Variants in NECTIN3 observed in about 807,000 individuals in gnomAD.
NECTIN3 encodes nectin-3.
A neutral mutation model predicts 49.4 loss-of-function variants in NECTIN3; 8 were observed. The observed-to-expected ratio is 0.16, with a 90% CI of 0.10 to 0.29. The LOEUF is 0.29. Among genes scored for constraint, NECTIN3 ranks in the 10% least tolerant of loss-of-function variants. NECTIN3 has a pLI of 1.00. For synonymous variants in NECTIN3, 277 were observed against 241.1 expected (o/e 1.15, Z -1.38); for missense variants, 581 against 654.6 (o/e 0.89, Z 1.23).
intron 1 of NECTIN3, among the ~76,000 whole-genome samples, chr3:111,086,660 T>C (rs373092955): frequency 5.9e-5 from 9 of 152,206 alleles, no homozygotes; most frequent in South Asian, 2.1e-4. Context: ...GATCCTCATA[T>C]TGGGTGGAGT....
chr3:111,177,061 A>G (rs1203259588), intron 7 of NECTIN3, among the ~76,000 whole-genome samples: 2 of 152,152 alleles, frequency 1.3e-5, no homozygotes, highest in Non-Finnish European at 2.9e-5. Context: ...ATTATTAACC[A>G]CTTAGAAAAT....
At chr3:111,125,711 A>G (rs894157033) in intron 4 of NECTIN3, among the ~76,000 whole-genome samples, 1 of 152,194 alleles carries the variant, frequency 6.6e-6, no homozygotes, top group Non-Finnish European at 1.5e-5. Flanking sequence ...TTAGCATTAA[A>G]TGATGCTCTA....
At chr3:111,149,468 TG>T in intron 7 of NECTIN3, among the ~76,000 whole-genome samples, 1 of 119,688 alleles carries the variant, frequency 8.4e-6, no homozygotes, top group East Asian at 3.1e-4. Context: ...GATGTGTGTG[TG>T]TGTGTGTGTG....
At chr3:111,193,425 G>T in intron 1 of NECTIN3, 1 of 1,502,480 alleles carries the variant, frequency 6.7e-7, no homozygotes, top group Non-Finnish European at 8.9e-7. Flanking sequence ...TTTATTCTTA[G>T]ATTGGGGAGA....
intron 7 of NECTIN3, among the ~76,000 whole-genome samples, chr3:111,157,738 G>A (rs1353542320): frequency 6.6e-6 from 1 of 152,018 alleles, no homozygotes; most frequent in South Asian, 2.1e-4. Context: ...TCTGCATTGG[G>A]AATAAAGTTA....
intron 5 of NECTIN3, among the ~76,000 whole-genome samples, chr3:111,142,681 T>G (rs942015143): frequency 3.3e-5 from 5 of 151,956 alleles, no homozygotes; most frequent in East Asian, 1.9e-4. Context: ...TTGTTGAAGT[T>G]AAAGGCTTTC....
intron 1 of NECTIN3, among the ~76,000 whole-genome samples, chr3:111,092,168 T>G (rs189002118): frequency 1.3e-5 from 2 of 152,338 alleles, no homozygotes; most frequent in Admixed American, 1.3e-4. Flanking sequence ...CTGTAAGAGG[T>G]TCCCCCCACC....
upstream of NECTIN3, among the ~76,000 whole-genome samples, chr3:111,190,183 C>A (rs147881558): frequency 0.011 from 1,666 of 152,272 alleles, 21 homozygotes; most frequent in Non-Finnish European, 0.015. Flanking sequence ...GCCATACATC[C>A]GTGACTGCCC....
chr3:111,130,591 A>G (rs1559798315), intron 5 of NECTIN3, among the ~76,000 whole-genome samples: 1 of 152,174 alleles, frequency 6.6e-6, no homozygotes, highest in Admixed American at 6.5e-5. Context: ...TATGTAAAAT[A>G]AATGCATCTT....
rs528063503 is a variant in NECTIN3, at chr3:111,130,002, C to G, written c.1070-3633C>G. On this transcript the variant is annotated intron_variant, in intron 5 of 5. Coordinates refer to ENST00000485303, the MANE Select transcript of NECTIN3 (RefSeq NM_015480.3). ...ACAGAGTCTTGCTCTGTCGCCCAGG[C>G]TTGAGTGCAGTGGAGCGATCTTGGC... Among the ~76,000 whole-genome samples, 323 of 146,862 alleles carry G rather than the reference C, an allele frequency of 2.2e-3. 1 individual carries two copies. The highest frequency in any genetic ancestry group is 7.4e-3 in the Middle Eastern group (2 of 270).
intron 1 of NECTIN3, among the ~76,000 whole-genome samples, chr3:111,082,440 G>A (rs891400224): frequency 1.3e-5 from 2 of 152,120 alleles, no homozygotes; most frequent in East Asian, 3.9e-4. Flanking sequence ...GATGGGGCCA[G>A]AATTTTTTTT....
intron 7 of NECTIN3, among the ~76,000 whole-genome samples, chr3:111,165,050 A>T (rs914565381): frequency 4.6e-5 from 7 of 151,466 alleles, no homozygotes; most frequent in African/African-American, 1.7e-4. Flanking sequence ...TTTTTTATTT[A>T]TTTATTTATT....
At chr3:111,117,984 A>G (rs904239761) in intron 2 of NECTIN3, among the ~76,000 whole-genome samples, 3 of 151,888 alleles carry the variant, frequency 2.0e-5, no homozygotes, top group East Asian at 3.9e-4. Flanking sequence ...AGCTTAAAGT[A>G]TATTTTGTAA....
intron 1 of NECTIN3, chr3:111,193,380 T>G: frequency 6.5e-7 from 1 of 1,530,590 alleles, no homozygotes. Context: ...TTATGTGTGA[T>G]TTTTCTCTTT....
intron 7 of NECTIN3, among the ~76,000 whole-genome samples, chr3:111,168,931 T>C (rs1302454136): frequency 1.3e-5 from 2 of 152,100 alleles, no homozygotes; most frequent in Non-Finnish European, 2.9e-5. Flanking sequence ...AATTCTATAG[T>C]CCTCCCTATA....
At chr3:111,101,788 A>G (rs550447310) in intron 1 of NECTIN3, among the ~76,000 whole-genome samples, 2 of 152,308 alleles carry the variant, frequency 1.3e-5, no homozygotes, top group Non-Finnish European at 2.9e-5. Context: ...ATGCTAAGCA[A>G]TGTGCCAGAG....
intron 1 of NECTIN3, among the ~76,000 whole-genome samples, chr3:111,099,138 T>A (rs111614491): frequency 3.9e-5 from 6 of 152,304 alleles, no homozygotes; most frequent in African/African-American, 1.4e-4. Context: ...ACATCCATCA[T>A]AAATGCTACT....
intron 5 of NECTIN3, among the ~76,000 whole-genome samples, chr3:111,126,764 G>A (rs991424584): frequency 6.6e-6 from 1 of 152,166 alleles, no homozygotes; most frequent in Non-Finnish European, 1.5e-5. Flanking sequence ...GTTAAATAGC[G>A]TTGTTTCCCA....
chr3:111,193,156 G>A (rs1388030726), intron 1 of NECTIN3: 5 of 1,481,492 alleles, frequency 3.4e-6, no homozygotes, highest in Non-Finnish European at 4.5e-6. Context: ...CTAGAAAAAT[G>A]CAAACAGCTG....
Sources: gnomAD v4.1 joint callset for allele counts (sites outside exome capture counted in the v4.1 genomes callset) on GRCh38, gnomAD v4.1.1 for gene constraint, MANE v1.5 for transcripts, NCBI Gene and HGNC (gene_info 2026-07-23, HGNC 2026-07-21) for gene names.